Variants in AP5Z1 observed in about 807,000 individuals in gnomAD.
The protein encoded by AP5Z1 is AP-5 complex subunit zeta-1.
A neutral mutation model predicts 83.0 loss-of-function variants in AP5Z1; 106 were observed. The ratio of observed to expected loss-of-function variants is 1.28; its 90% confidence interval spans 1.09 to 1.50. AP5Z1 has a LOEUF of 1.50. Ranked by LOEUF, AP5Z1 falls within the 40% of genes most tolerant of loss-of-function variation. The pLI is 0.00. For missense variants in AP5Z1, 1,565 were observed against 1,094.2 expected (o/e 1.43, Z -6.07); for synonymous variants, 751 against 514.1 (o/e 1.46, Z -6.23).
chr7:4,786,147 G>C, intron 9 of AP5Z1, 103 bp from the exon 10 acceptor site: 1 of 1,256,532 alleles, frequency 8.0e-7, no homozygotes. Flanking sequence ...GGAGCCCTTG[G>C]TGTCCTGGAG....
At position 4,781,544 on chromosome 7, in the gene AP5Z1, C is replaced by T. The variant is rs906743899; in HGVS notation, c.180-24C>T. 3.8e-6 allele frequency: 6 copies of T among 1,599,162 alleles called. No homozygotes were observed. In the African/African-American group the frequency reaches 6.7e-5, roughly 18 times the overall value. On this transcript the variant is annotated intron_variant, in intron 2 of 16. Transcript: ENST00000649063. ...GCCACGGTCGTGACGTGTTACCGCC[C>T]ACCACGGGCATCTCGCCTTCCAGGC...
chr7:4,791,378 C>A lies in AP5Z1; in HGVS notation c.2417C>A (p.Pro806Gln). 6.2e-7 allele frequency: 1 copy of A among 1,605,312 alleles called. No homozygotes were observed. The highest frequency in any genetic ancestry group is 8.5e-7 in the Non-Finnish European group (1 of 1,176,416). Residue 806 changes from proline to glutamine, a missense_variant, in exon 17 of 17, where the codon CCA becomes CAA. Physicochemically the swap from Pro to Gln is moderately conservative, Grantham distance 76. Transcript: ENST00000649063. The stretch of plus-strand genomic sequence containing the variant: ...GTGGAGAGGGAGGCCGGCCTCATGC[C>A]AGGGTGAAGGGACAGTGGCCAGGGA... ...RLVEREAGLM[P>Q]G is the part of the protein sequence containing the mutation.
chr7:4,784,252 CG>C lies in AP5Z1; in HGVS notation c.673del (p.Val225CysfsTer14). 6.3e-7 allele frequency: 1 copy of C among 1,590,750 alleles called. No individual in the cohort carries two copies. The highest frequency in any genetic ancestry group is 8.5e-7 in the Non-Finnish European group (1 of 1,169,740). ...GGGGCGGTAGCCACAGACTTCTTCA[CG>C]GTGCTCTCCAGCGGCCACCGCTTCA... Reference protein sequence around the residue: ...VDGAVATDFFTVLSSGHRFTD... With the variant: ...VDGAVATDFFXVLSSGHRFTD... On this transcript the variant is annotated frameshift_variant, in exon 6 of 17. Coordinates refer to ENST00000649063, the MANE Select transcript of AP5Z1 (RefSeq NM_014855.3). LOFTEE classifies it high-confidence loss of function.
rs1781755863 is a variant in AP5Z1 at position 4,791,128 on chromosome 7, CT to C, written c.2168del (p.Leu723ArgfsTer4). On this transcript the variant is annotated frameshift_variant, in exon 17 of 17. Transcript: ENST00000649063. LOFTEE classifies it low-confidence loss of function (END_TRUNC). The stretch of plus-strand genomic sequence containing the variant: ...TTCTTTCCCCAGGGCCTCTTTATTG[CT>C]GTCAAAGATGAGGACCCTGGCTCAC... ...QDLIPRASLLLSKMRTLAHSP... is the reference protein window; with the variant it reads ...QDLIPRASLLXSKMRTLAHSP... The C allele has an allele frequency of 6.3e-7, 1 of 1,599,982 alleles. No individual in the cohort carries two copies. Among genetic ancestry groups the C allele is most frequent in the African/African-American group, 1.3e-5 (1 of 74,680 alleles).
Position 4,788,154 on chromosome 7 carries a change from G to A in AP5Z1, c.1455G>A (p.Arg485=), listed in dbSNP as rs1158214211. 3.2e-6 allele frequency: 5 copies of A among 1,549,392 alleles called. No homozygotes were observed. The highest frequency in any genetic ancestry group is 4.4e-6 in the Non-Finnish European group (5 of 1,147,062). The part of the protein sequence containing the change: ...CLTAVLDLQL[R]SAPAASERPL... Reference sequence around the variant, plus strand: ...TGGCCTTGGGCGTCTGTCCACGCAGGTCAGCACCGGCTGCATCCGAGAGGC... The same window carrying A: ...TGGCCTTGGGCGTCTGTCCACGCAGATCAGCACCGGCTGCATCCGAGAGGC... The change falls in exon 12 of 17, where the codon AGG becomes AGA. Residue 485 remains arginine (R), a splice_region_variant and synonymous_variant. Transcript: ENST00000649063.
intron 12 of AP5Z1, chr7:4,788,512 A>G (rs1781632862): frequency 8.5e-6 from 5 of 588,418 alleles, no homozygotes; most frequent in Non-Finnish European, 1.1e-5. Flanking sequence ...GCCCACATCA[A>G]CCCTCATAAG....
chr7:4,787,709 GC>G lies in AP5Z1; in HGVS notation c.1390del (p.Leu464TrpfsTer13). On this transcript the variant is annotated frameshift_variant, in exon 11 of 17. Transcript: ENST00000649063. LOFTEE classifies it high-confidence loss of function. ...LLPALVDAGT[A>X]LEMLHALLDL... The stretch of plus-strand genomic sequence containing the variant: ...CCCGGCCCTGGTGGACGCTGGCACA[GC>G]CCTGGAGATGCTGCACGCGCTGCTG... 1 of 1,551,312 alleles carries G rather than the reference GC, an allele frequency of 6.4e-7. No individual in the cohort carries two copies. Among genetic ancestry groups the G allele is most frequent in the South Asian group, 1.2e-5 (1 of 84,210 alleles).
chr7:4,793,589 G>A lies in AP5Z1; in HGVS notation c.*2204G>A, dbSNP rs1255336162. The A allele has an allele frequency of 6.6e-6, 1 of 152,442 alleles. No individual in the cohort carries two copies. The highest frequency in any genetic ancestry group is 1.5e-5 in the Non-Finnish European group (1 of 68,178). 9.4% of individuals were successfully genotyped at this position (152,442 alleles called of 1,614,324 possible). A position where few individuals can be genotyped will look rare whatever the true frequency, so the allele number is the denominator to read the frequency against. On this transcript the variant is annotated 3_prime_UTR_variant, in exon 17 of 17. Transcript: ENST00000649063. The stretch of plus-strand genomic sequence containing the variant: ...TGCTTGCGGGCCAGCGCGAGTTCCG[G>A]GTGGGCGTGGGCTCTGTGGGCCCCG...
Position 4,783,727 on chromosome 7 carries a change from C to T in AP5Z1, c.550C>T (p.Leu184=), listed in dbSNP as rs373829290. ...TLLSKRLVDW[L]RYASLQQGLP... ...GCTCAGCAAGCGGCTGGTCGACTGGCTGCGCTACGCCAGCCTCCAGCAAGG... is the reference window on the plus strand; with the variant it reads ...GCTCAGCAAGCGGCTGGTCGACTGGTTGCGCTACGCCAGCCTCCAGCAAGG... Residue 184 remains leucine (L), a synonymous_variant, in exon 5 of 17, where the codon CTG becomes TTG. Coordinates refer to ENST00000649063, the MANE Select transcript of AP5Z1 (RefSeq NM_014855.3). 2.6e-5 allele frequency: 41 copies of T among 1,550,626 alleles called. No homozygotes were observed. In the African/African-American group the frequency reaches 4.1e-4, roughly 16 times the overall value.
At position 4,784,238 on chromosome 7, in the gene AP5Z1, C is replaced by T. The variant is rs372585325; in HGVS notation, c.657C>T (p.Ala219=). 3 of 1,593,766 alleles carry T rather than the reference C, an allele frequency of 1.9e-6. No homozygotes were observed. In the African/African-American group the frequency reaches 4.0e-5, roughly 21 times the overall value. ...TCACCGAGGTGGACGGGGCGGTAGC[C>T]ACAGACTTCTTCACGGTGCTCTCCA... ...GPVTEVDGAV[A]TDFFTVLSSG... Residue 219 remains alanine, a synonymous_variant, in exon 6 of 17, where the codon GCC becomes GCT. Transcript: ENST00000649063.
intron 16 of AP5Z1, 90 bp from the exon 17 acceptor site, chr7:4,791,025 T>C (rs1781750735): frequency 8.1e-6 from 12 of 1,473,472 alleles, no homozygotes; most frequent in Middle Eastern, 2.0e-4. Context: ...AAAGCCACTC[T>C]GCTGGGCGCT....
intron 7 of AP5Z1, 119 bp from the exon 8 acceptor site, chr7:4,785,296 G>A (rs935337478): frequency 7.1e-7 from 1 of 1,400,766 alleles, no homozygotes; most frequent in Non-Finnish European, 9.6e-7. Context: ...GTCCTCCTGG[G>A]GGCCTGTCCC....
Position 4,789,923 on chromosome 7 carries a change from T to C in AP5Z1, c.1799T>C (p.Val600Ala). The C allele has an allele frequency of 1.3e-6, 2 of 1,543,238 alleles. No individual in the cohort carries two copies. Among genetic ancestry groups the C allele is most frequent in the African/African-American group, 1.4e-5 (1 of 73,044 alleles). ...CCGGCCCCAGGGTACGCTGCCGGTG[T>C]GCACAGGTAGGTCCCTCCTGCGCTC... ...LYPAPGYAAG[V>A]HSVLSSQFLA... The change falls in exon 14 of 17, where the codon GTG becomes GCG. Residue 600 changes from valine to alanine, a missense_variant. By Grantham distance (64) the Val-to-Ala change is moderately conservative (BLOSUM62 0). Transcript: ENST00000649063.
chr7:4,782,019 G>C (rs1781395918), intron 3 of AP5Z1, among the ~76,000 whole-genome samples: 1 of 152,230 alleles, frequency 6.6e-6, no homozygotes, highest in African/African-American at 2.4e-5. Context: ...CAGCGAGTCA[G>C]TGGAGGCTGG....
rs374726107 is a variant in AP5Z1 at position 4,786,374 on chromosome 7, C to A, written c.1257C>A (p.His419Gln). The A allele has an allele frequency of 6.2e-7, 1 of 1,613,976 alleles. No homozygotes were observed. The highest frequency in any genetic ancestry group is 8.5e-7 in the Non-Finnish European group (1 of 1,179,872). The change falls in exon 10 of 17, where the codon CAC (histidine) becomes CAA (glutamine). Residue 419 changes from histidine to glutamine, a missense_variant. His to Gln is a conservative substitution (Grantham distance 24). Coordinates refer to ENST00000649063, the MANE Select transcript of AP5Z1 (RefSeq NM_014855.3). ...TCCAGTTCTGCAGGGACAACCTCCA[C>A]CTGTTCAGCGGGCACCTCAGCACCC... is the stretch of plus-strand genomic sequence containing the variant. ...EFIQFCRDNL[H>Q]LFSGHLSTLR...
Position 4,791,309 on chromosome 7 carries a change from C to T in AP5Z1, c.2348C>T (p.Ala783Val). Reference sequence around the variant, plus strand: ...TGCAGCCCCCGCTATCACCGCGATGCCAACACGGCCCTGCCCCTGGCCCTG... The same window carrying T: ...TGCAGCCCCCGCTATCACCGCGATGTCAACACGGCCCTGCCCCTGGCCCTG... Reference protein sequence around the residue: ...EVCSPRYHRDANTALPLALRT... With the variant: ...EVCSPRYHRDVNTALPLALRT... Residue 783 changes from alanine to valine, a missense_variant, in exon 17 of 17, where the codon GCC becomes GTC. Coordinates refer to ENST00000649063, the MANE Select transcript of AP5Z1 (RefSeq NM_014855.3). 1 of 1,612,100 alleles carries T rather than the reference C, an allele frequency of 6.2e-7. No homozygotes were observed. The highest frequency in any genetic ancestry group is 1.1e-5 in the South Asian group (1 of 90,958).
chr7:4,783,096 C>G lies in AP5Z1; in HGVS notation c.367-220C>G, dbSNP rs112661340. On this transcript the variant is annotated intron_variant, in intron 3 of 16. Transcript: ENST00000649063. The stretch of plus-strand genomic sequence containing the variant: ...ATCAGCCGTGCCCTCACCCAGGCCC[C>G]CTCCAGCCTCAGCGATGCAGCTCCC... Among the ~76,000 whole-genome samples the G allele has an allele frequency of 1.4e-3, 207 of 152,362 alleles. 1 individual carries two copies. Among genetic ancestry groups the G allele is most frequent in the African/African-American group, 4.6e-3 (190 of 41,600 alleles).
Position 4,785,674 on chromosome 7 carries a change from C to G in AP5Z1, c.1122C>G (p.Phe374Leu), listed in dbSNP as rs748196496. The G allele has an allele frequency of 6.5e-7, 1 of 1,536,976 alleles. No homozygotes were observed. The highest frequency in any genetic ancestry group is 1.9e-5 in the Admixed American group (1 of 53,076). Residue 374 changes from phenylalanine (F) to leucine (L), a missense_variant, in exon 9 of 17, where the codon TTC becomes TTG. Phe to Leu is a conservative substitution (Grantham distance 22). Transcript: ENST00000649063. ...TGCTGCTGCCCCTCGCCCACTTCTT[C>G]CTGAGCCACGGTGAGCCCAGGGTGG... Reference protein sequence around the residue: ...VRVLLPLAHFFLSHGEAAAVD... With the variant: ...VRVLLPLAHFLLSHGEAAAVD...
chr7:4,791,022 C>T (rs1206201524), intron 16 of AP5Z1, 93 bp from the exon 17 acceptor site: 15 of 1,469,790 alleles, frequency 1.0e-5, no homozygotes, highest in Non-Finnish European at 1.3e-5. Flanking sequence ...GCTAAAGCCA[C>T]TCTGCTGGGC....
Sources: allele counts gnomAD v4.1 joint callset (sites outside exome capture counted in the v4.1 genomes callset), GRCh38; gene constraint gnomAD v4.1.1; transcripts MANE v1.5; gene names NCBI Gene and HGNC (gene_info 2026-07-23, HGNC 2026-07-21).